Variants in NYAP2 observed in about 807,000 individuals in gnomAD.
NYAP2 encodes the protein neuronal tyrosine-phosphorylated phosphoinositide-3-kinase adaptor 2, also known as neuronal tyrosine-phosphorylated phosphoinositide-3-kinase adapter 2.
Under a neutral mutation model 50.4 loss-of-function variants are expected in NYAP2, and 23 were observed. That is an observed-to-expected ratio of 0.46 (90% CI 0.33 to 0.65). The LOEUF is 0.65. Among genes scored for constraint, NYAP2 ranks in the 30% least tolerant of loss-of-function variants. The pLI is 0.02. For synonymous variants in NYAP2, 394 were observed against 365.2 expected (o/e 1.08, Z -0.90); for missense variants, 885 against 861.0 (o/e 1.03, Z -0.35).
Position 225,582,677 on chromosome 2 carries a change from G to T in NYAP2, c.1260G>T (p.Leu420=). ...CGTCGCCCCCACCCCCGTCTACGCT[G>T]TACCGAACCCAGTCTCCCCATGGCT... The change falls in exon 5 of 7, where the codon CTG becomes CTT. Residue 420 remains leucine, a synonymous_variant. Transcript: ENST00000636099. This position sits in a 1 kb window ranked among gnomAD's most constrained non-coding sequence, Gnocchi z 7.0. 6.2e-7 allele frequency: 1 copy of T among 1,601,194 alleles called. No individual in the cohort carries two copies.
intron 3 of NYAP2, among the ~76,000 whole-genome samples, chr2:225,454,347 A>C (rs978310089): frequency 6.6e-6 from 1 of 152,204 alleles, no homozygotes; most frequent in Non-Finnish European, 1.5e-5. Flanking sequence ...CAAAACAAAA[A>C]CAAAAACAAA....
intron 3 of NYAP2, among the ~76,000 whole-genome samples, chr2:225,506,621 T>C (rs1035782994): frequency 6.6e-6 from 1 of 152,174 alleles, no homozygotes; most frequent in African/African-American, 2.4e-5. Flanking sequence ...AGGTGAGCAT[T>C]TGGCTTTGAG....
At chr2:225,425,149 T>C (rs1002768607) in intron 3 of NYAP2, among the ~76,000 whole-genome samples, 2 of 152,096 alleles carry the variant, frequency 1.3e-5, no homozygotes, top group African/African-American at 4.8e-5. Context: ...GGACTGGCCA[T>C]GTAATCTCCC....
At chr2:225,475,788 A>G (rs368785498) in intron 3 of NYAP2, among the ~76,000 whole-genome samples, 16 of 152,306 alleles carry the variant, frequency 1.1e-4, no homozygotes, top group Non-Finnish European at 1.8e-4. Flanking sequence ...TGATTTCCCA[A>G]TGAGAAACTG....
intron 6 of NYAP2, among the ~76,000 whole-genome samples, chr2:225,649,252 G>A (rs889415940): frequency 6.6e-6 from 1 of 152,136 alleles, no homozygotes; most frequent in Admixed American, 6.5e-5. Flanking sequence ...TGGAAACCAG[G>A]ATATTTCACT....
At chr2:225,517,844 T>C (rs919391528) in intron 4 of NYAP2, among the ~76,000 whole-genome samples, 1 of 152,084 alleles carries the variant, frequency 6.6e-6, no homozygotes, top group African/African-American at 2.4e-5. Flanking sequence ...AGATAAGCAC[T>C]AGAGAGGATG....
intron 3 of NYAP2, among the ~76,000 whole-genome samples, chr2:225,413,902 A>G (rs776912886): frequency 5.3e-5 from 8 of 152,206 alleles, no homozygotes. Context: ...ATTGATGATA[A>G]TTCTCTGTGA....
intron 4 of NYAP2, among the ~76,000 whole-genome samples, chr2:225,529,188 C>T (rs1691207255): frequency 6.6e-6 from 1 of 152,188 alleles, no homozygotes; most frequent in African/African-American, 2.4e-5. Context: ...TCTCTTTTCT[C>T]ATCAAATGTT....
intron 3 of NYAP2, among the ~76,000 whole-genome samples, chr2:225,441,747 T>A (rs1287102275): frequency 6.6e-6 from 1 of 152,088 alleles, no homozygotes; most frequent in African/African-American, 2.4e-5. Context: ...ACCAGGTCCT[T>A]CCCTCCATTA....
chr2:225,525,443 C>T (rs765434482), intron 4 of NYAP2, among the ~76,000 whole-genome samples: 22 of 152,078 alleles, frequency 1.4e-4, no homozygotes, highest in Non-Finnish European at 3.2e-4. Context: ...TACTACATAG[C>T]CATAACAATG....
intron 3 of NYAP2, among the ~76,000 whole-genome samples, chr2:225,510,825 A>G (rs1690798485): frequency 6.6e-6 from 1 of 151,946 alleles, no homozygotes. Flanking sequence ...TATATGAACC[A>G]AAGCAGATAG....
chr2:225,672,046 C>T, the NYAP2 span, among the ~76,000 whole-genome samples: 1 of 151,810 alleles, frequency 6.6e-6, no homozygotes, highest in African/African-American at 2.4e-5. Context: ...TTCTTGAGGG[C>T]CTTAATATTT....
chr2:225,457,984 T>G (rs113557535), intron 3 of NYAP2, among the ~76,000 whole-genome samples: 1,928 of 152,240 alleles, frequency 0.013, 49 homozygotes, highest in African/African-American at 0.045. Flanking sequence ...CAACTAATTT[T>G]TTGGGCTTTA....
chr2:225,401,174 TTAGG>T (rs1240431186), intron 2 of NYAP2, 131 bp downstream of exon 2: 1 of 152,484 alleles, frequency 6.6e-6, no homozygotes, highest in East Asian at 1.9e-4. Flanking sequence ...GCATGCCTTA[TTAGG>T]TGGAGCAGAA....
At chr2:225,399,864 C>T (rs143626971) in exon 1 of NYAP2, 175 of 152,174 alleles carry the variant, frequency 1.1e-3, no homozygotes, top group African/African-American at 4.1e-3. Flanking sequence ...TAACCATTCT[C>T]TGTAGTAAGA....
At chr2:225,693,757 T>C in the NYAP2 span, among the ~76,000 whole-genome samples, 1 of 152,126 alleles carries the variant, frequency 6.6e-6, no homozygotes, top group East Asian at 1.9e-4. Flanking sequence ...CACCTCTTAG[T>C]ACCATCACCT....
intron 4 of NYAP2, among the ~76,000 whole-genome samples, chr2:225,515,028 A>G (rs1390301108): frequency 1.3e-5 from 2 of 152,088 alleles, no homozygotes; most frequent in African/African-American, 2.4e-5. Flanking sequence ...GGTATGTGCC[A>G]TCTCTCCCAT....
chr2:225,635,433 A>T (rs1019706463), intron 6 of NYAP2, among the ~76,000 whole-genome samples: 2 of 152,204 alleles, frequency 1.3e-5, no homozygotes, highest in African/African-American at 2.4e-5. Context: ...AGATTAAATT[A>T]AAAAATGCAT....
chr2:225,702,653 A>G, the NYAP2 span: 1 of 151,730 alleles, frequency 6.6e-6, no homozygotes, highest in African/African-American at 2.4e-5. Context: ...AGGGTAACAC[A>G]TTTTGCCATG....
Sources: allele counts gnomAD v4.1 joint callset (sites outside exome capture counted in the v4.1 genomes callset), GRCh38; gene constraint gnomAD v4.1.1; non-coding constraint Gnocchi (gnomAD v3.1); transcripts MANE v1.5; gene names NCBI Gene and HGNC (gene_info 2026-07-23, HGNC 2026-07-21).